CDH8: variants seen among roughly 807,000 people sequenced by gnomAD.
The protein encoded by CDH8 is cadherin 8, also known as cadherin-8.
A neutral mutation model predicts 68.1 loss-of-function variants in CDH8; 17 were observed. That is an observed-to-expected ratio of 0.25 (90% CI 0.17 to 0.37). The LOEUF (loss-of-function observed/expected upper bound fraction) is 0.37. Ranked by LOEUF, CDH8 falls within the 10% of genes least tolerant of loss-of-function variation. The pLI is 1.00. For synonymous variants in CDH8, 372 were observed against 365.1 expected (o/e 1.02, Z -0.21); for missense variants, 763 against 999.3 (o/e 0.76, Z 3.19).
intron 10 of CDH8, among the ~76,000 whole-genome samples, chr16:61,684,624 G>A (rs1299103029): frequency 6.6e-6 from 1 of 151,968 alleles, no homozygotes; most frequent in African/African-American, 2.4e-5. Context: ...CTAGGACTGT[G>A]CCCATTGTTG....
intron 8 of CDH8, among the ~76,000 whole-genome samples, chr16:61,776,687 C>T (rs1020627670): frequency 6.6e-6 from 1 of 151,890 alleles, no homozygotes; most frequent in Non-Finnish European, 1.5e-5. Flanking sequence ...TTTAATTATA[C>T]AATAATGATA....
chr16:61,755,817 CT>C (rs1330578974), intron 8 of CDH8, among the ~76,000 whole-genome samples: 1 of 151,306 alleles, frequency 6.6e-6, no homozygotes, highest in Admixed American at 6.6e-5. Flanking sequence ...TCTCCTTCTT[CT>C]TTTTTTGGTG....
chr16:61,950,758 C>T (rs117964198), intron 2 of CDH8, among the ~76,000 whole-genome samples: 161 of 152,082 alleles, frequency 1.1e-3, no homozygotes, highest in Middle Eastern at 3.4e-3. Context: ...ATGGATGGGA[C>T]GGGGGCCATT....
intron 3 of CDH8, among the ~76,000 whole-genome samples, chr16:61,862,426 T>C (rs1462442936): frequency 6.6e-6 from 1 of 152,198 alleles, no homozygotes; most frequent in South Asian, 2.1e-4. Context: ...ACTACTGGGC[T>C]GGGGACTGCA....
At chr16:61,735,458 C>T (rs1363131528) in intron 8 of CDH8, among the ~76,000 whole-genome samples, 1 of 152,104 alleles carries the variant, frequency 6.6e-6, no homozygotes, top group African/African-American at 2.4e-5. Context: ...TACCCCATAA[C>T]TCTCTCCTGA....
chr16:62,025,560 C>T (rs890077224), intron 1 of CDH8, among the ~76,000 whole-genome samples: 1 of 152,080 alleles, frequency 6.6e-6, no homozygotes, highest in African/African-American at 2.4e-5. Context: ...TCAGGGGAAA[C>T]CTTTCATCCA....
At chr16:61,933,121 T>C (rs1964571996) in intron 2 of CDH8, among the ~76,000 whole-genome samples, 1 of 152,206 alleles carries the variant, frequency 6.6e-6, no homozygotes, top group Non-Finnish European at 1.5e-5. Context: ...CTATTTTAAA[T>C]ATATGAAAAA....
chr16:61,913,439 A>C (rs1255594582), intron 2 of CDH8, among the ~76,000 whole-genome samples: 1 of 152,180 alleles, frequency 6.6e-6, no homozygotes, highest in Non-Finnish European at 1.5e-5. Flanking sequence ...GTTTATAAGT[A>C]ACTTGAGCAT....
At chr16:61,917,410 A>AT (rs1276948257) in intron 2 of CDH8, among the ~76,000 whole-genome samples, 2 of 152,138 alleles carry the variant, frequency 1.3e-5, no homozygotes, top group Non-Finnish European at 2.9e-5. Flanking sequence ...TGTCCCTCCT[A>AT]CAAACAAGAT....
chr16:61,875,028 A>T (rs916738920), intron 3 of CDH8, among the ~76,000 whole-genome samples: 3 of 152,214 alleles, frequency 2.0e-5, no homozygotes, highest in African/African-American at 4.8e-5. Context: ...TGGTGGAAAC[A>T]TTTGAAAAGC....
chr16:61,761,310 G>A (rs969728540), intron 8 of CDH8, among the ~76,000 whole-genome samples: 1 of 152,128 alleles, frequency 6.6e-6, no homozygotes, highest in African/African-American at 2.4e-5. Context: ...CATCTTTACA[G>A]TATAAACAGT....
At chr16:61,799,527 G>A (rs1475375547) in intron 7 of CDH8, among the ~76,000 whole-genome samples, 1 of 151,812 alleles carries the variant, frequency 6.6e-6, no homozygotes, top group Non-Finnish European at 1.5e-5. Context: ...TGTAAAATGG[G>A]GATAACATGC....
At chr16:61,726,824 A>G (rs1959386366) in intron 9 of CDH8, 1 of 472,388 alleles carries the variant, frequency 2.1e-6, no homozygotes, top group Non-Finnish European at 3.7e-6. Flanking sequence ...GCTATCATCC[A>G]TATCCCAAGA....
At chr16:62,001,585 C>T (rs1012911951) in intron 2 of CDH8, among the ~76,000 whole-genome samples, 2 of 152,170 alleles carry the variant, frequency 1.3e-5, no homozygotes, top group African/African-American at 2.4e-5. Context: ...CTTCTCCCTT[C>T]CTGCCTAGAA....
At chr16:61,729,492 T>C (rs983302387) in intron 8 of CDH8, among the ~76,000 whole-genome samples, 10 of 151,298 alleles carry the variant, frequency 6.6e-5, no homozygotes, top group African/African-American at 2.4e-4. Flanking sequence ...ACTCTCCCTA[T>C]GAAACTGTGC....
At position 61,751,382 on chromosome 16, in the gene CDH8, T is replaced by TAAAAAAAAA. The variant is rs71134375; in HGVS notation, c.1415-24176_1415-24168dup. ...CACAAATGTCCTTCCATATTCTCCT[T>TAAAAAAAAA]AAAAAAAAAAAAAAAAAAAAAAAAA... On this transcript the variant is annotated intron_variant, in intron 8 of 11. Coordinates refer to ENST00000577390, the MANE Select transcript of CDH8 (RefSeq NM_001796.5). Among the ~76,000 whole-genome samples the TAAAAAAAAA allele has an allele frequency of 5.5e-4, 30 of 54,150 alleles. 2 individuals carry two copies. The highest frequency in any genetic ancestry group is 2.7e-3 in the East Asian group (3 of 1,102). The allele number at this position is 54,150 out of a possible 152,430, so 35.5% of individuals were successfully genotyped here.
intron 2 of CDH8, among the ~76,000 whole-genome samples, chr16:61,960,268 C>T (rs564931927): frequency 1.3e-5 from 1 of 76,812 alleles, no homozygotes; most frequent in Non-Finnish European, 2.3e-5. Context: ...TACATATATA[C>T]GTGTGTGTGT....
chr16:61,678,486 T>C (rs928789745), intron 10 of CDH8, among the ~76,000 whole-genome samples: 10 of 152,176 alleles, frequency 6.6e-5, no homozygotes, highest in African/African-American at 2.4e-4. Flanking sequence ...TTGTGTCAGA[T>C]ATCAATTCCT....
intron 10 of CDH8, among the ~76,000 whole-genome samples, chr16:61,704,500 G>A (rs958373304): frequency 1.3e-5 from 2 of 152,058 alleles, no homozygotes; most frequent in African/African-American, 2.4e-5. Context: ...ATTTTATACA[G>A]TAATTTCTAT....
Sources: allele counts gnomAD v4.1 joint callset (sites outside exome capture counted in the v4.1 genomes callset), GRCh38; gene constraint gnomAD v4.1.1; transcripts MANE v1.5; gene names NCBI Gene and HGNC (gene_info 2026-07-23, HGNC 2026-07-21).